AGBL4: variants seen among roughly 807,000 people sequenced by gnomAD.
AGBL4 encodes the protein AGBL carboxypeptidase 4.
A neutral mutation model predicts 66.4 loss-of-function variants in AGBL4; 58 were observed. The observed-to-expected ratio is 0.87, with a 90% confidence interval of 0.71 to 1.09. The LOEUF is 1.09. Among genes scored for constraint, AGBL4 ranks in the 50% least tolerant of loss-of-function variants. The pLI is 0.00. For missense variants in AGBL4, 579 were observed against 631.0 expected (o/e 0.92, Z 0.88); for synonymous variants, 234 against 222.9 (o/e 1.05, Z -0.44).
At chr1:49,010,419 A>G (rs1662298425) in intron 5 of AGBL4, among the ~76,000 whole-genome samples, 1 of 134,306 alleles carries the variant, frequency 7.4e-6, no homozygotes, top group Non-Finnish European at 1.6e-5. Context: ...GCTCATGGGT[A>G]GGAAGAATCA....
intron 5 of AGBL4, among the ~76,000 whole-genome samples, chr1:48,981,040 C>T (rs1659725633): frequency 6.6e-6 from 1 of 151,920 alleles, no homozygotes; most frequent in Admixed American, 6.6e-5. Flanking sequence ...ACAGATTGGT[C>T]CTGTTCTAGT....
At chr1:49,749,829 T>C (rs1481658396) in intron 2 of AGBL4, among the ~76,000 whole-genome samples, 1 of 152,162 alleles carries the variant, frequency 6.6e-6, no homozygotes, top group African/African-American at 2.4e-5. Flanking sequence ...TCTGGAAGCC[T>C]TTTCGTAGAC....
intron 11 of AGBL4, chr1:48,584,908 A>G (rs1644795537): frequency 6.6e-6 from 1 of 152,214 alleles, no homozygotes; most frequent in Admixed American, 6.5e-5. Context: ...TATACTTGTC[A>G]AATGAAAATG....
chr1:48,930,233 A>T (rs1424090847), intron 5 of AGBL4, among the ~76,000 whole-genome samples: 1 of 149,174 alleles, frequency 6.7e-6, no homozygotes, highest in African/African-American at 2.5e-5. Flanking sequence ...CTCCCTTTCA[A>T]TTCATAACTA....
At chr1:48,762,022 T>C (rs1644280143) in intron 6 of AGBL4, among the ~76,000 whole-genome samples, 2 of 152,184 alleles carry the variant, frequency 1.3e-5, no homozygotes, top group African/African-American at 4.8e-5. Context: ...GAATAACATT[T>C]ATCCCCTTTT....
At chr1:49,282,921 C>T (rs895675046) in intron 3 of AGBL4, among the ~76,000 whole-genome samples, 1 of 152,122 alleles carries the variant, frequency 6.6e-6, no homozygotes, top group African/African-American at 2.4e-5. Flanking sequence ...GATCCAACTG[C>T]AAGGCGGCAG....
At chr1:49,754,148 G>A (rs1651695667) in intron 2 of AGBL4, among the ~76,000 whole-genome samples, 1 of 152,054 alleles carries the variant, frequency 6.6e-6, no homozygotes, top group Non-Finnish European at 1.5e-5. Flanking sequence ...AGGAGAAGAG[G>A]CATTCTGTTT....
At chr1:49,875,422 T>C (rs1190705928) in intron 1 of AGBL4, among the ~76,000 whole-genome samples, 5 of 140,166 alleles carry the variant, frequency 3.6e-5, no homozygotes, top group African/African-American at 1.3e-4. Flanking sequence ...TTTTTTGTTC[T>C]TGCGATAGTT....
intron 5 of AGBL4, among the ~76,000 whole-genome samples, chr1:48,972,310 A>G (rs1658973841): frequency 6.6e-6 from 1 of 152,134 alleles, no homozygotes; most frequent in Admixed American, 6.6e-5. Flanking sequence ...AGTAATTATA[A>G]GTAATATTGT....
At chr1:49,816,753 A>G (rs1160441375) in intron 2 of AGBL4, among the ~76,000 whole-genome samples, 1 of 152,222 alleles carries the variant, frequency 6.6e-6, no homozygotes, top group Non-Finnish European at 1.5e-5. Flanking sequence ...TCTCTTGTAT[A>G]TTAGATAACA....
At chr1:49,749,079 G>A (rs897395913) in intron 2 of AGBL4, among the ~76,000 whole-genome samples, 1 of 152,124 alleles carries the variant, frequency 6.6e-6, no homozygotes, top group African/African-American at 2.4e-5. Flanking sequence ...TGAAGTCTTT[G>A]CCCATGCCTA....
intron 6 of AGBL4, among the ~76,000 whole-genome samples, chr1:48,790,245 T>G (rs1645515489): frequency 6.6e-6 from 1 of 152,148 alleles, no homozygotes; most frequent in Admixed American, 6.5e-5. Context: ...GCCTTCTCTT[T>G]GGTATCAAGA....
intron 4 of AGBL4, among the ~76,000 whole-genome samples, chr1:49,186,448 G>C (rs1647018364): frequency 6.6e-6 from 1 of 152,106 alleles, no homozygotes; most frequent in African/African-American, 2.4e-5. Flanking sequence ...TCCCTACCTA[G>C]CTTTGTGGTC....
chr1:49,585,784 G>T (rs1009379304), intron 3 of AGBL4, among the ~76,000 whole-genome samples: 3 of 152,112 alleles, frequency 2.0e-5, no homozygotes, highest in Admixed American at 6.5e-5. Flanking sequence ...AATGATAGTG[G>T]GGTGCTGCTA....
chr1:49,830,259 C>T (rs548835049), intron 2 of AGBL4, among the ~76,000 whole-genome samples: 12 of 152,246 alleles, frequency 7.9e-5, no homozygotes, highest in African/African-American at 2.6e-4. Flanking sequence ...CCTATTTCTC[C>T]GCATCCTCTC....
chr1:49,969,983 G>A (rs1657913518), intron 1 of AGBL4, among the ~76,000 whole-genome samples: 1 of 152,108 alleles, frequency 6.6e-6, no homozygotes, highest in Non-Finnish European at 1.5e-5. Flanking sequence ...AGCGTACCAA[G>A]AATACATGAT....
At chr1:49,904,183 ATTAAG>A (rs1650046821) in intron 1 of AGBL4, among the ~76,000 whole-genome samples, 1 of 152,274 alleles carries the variant, frequency 6.6e-6, no homozygotes, top group Middle Eastern at 3.4e-3. Context: ...GGAAATATAA[ATTAAG>A]TTTATTCCAT....
In AGBL4 at chr1:49,185,809, C is replaced by T. The variant is rs188168374; in HGVS notation, c.377+59961G>A. On this transcript the variant is annotated intron_variant, in intron 4 of 13. Transcript: ENST00000371839. ...AGAACTGGTGGTCCTTGACCCAATC[C>T]TATTCTTGCAACTATTTAAGGATCC... Among the ~76,000 whole-genome samples the T allele has an allele frequency of 4.6e-4, 70 of 152,246 alleles. 1 individual carries two copies. The South Asian group carries it at 0.014, about 31-fold the overall frequency.
intron 3 of AGBL4, among the ~76,000 whole-genome samples, chr1:49,667,731 CAAT>C (rs1366320669): frequency 2.0e-5 from 3 of 152,078 alleles, no homozygotes; most frequent in Non-Finnish European, 4.4e-5. Context: ...GCAAAAATAA[CAAT>C]GTCTTAACTT....
Sources: allele counts gnomAD v4.1 joint callset (sites outside exome capture counted in the v4.1 genomes callset), GRCh38; gene constraint gnomAD v4.1.1; transcripts MANE v1.5; gene names NCBI Gene and HGNC (gene_info 2026-07-23, HGNC 2026-07-21).